Variants in ZNF385B observed in about 807,000 individuals in gnomAD.
ZNF385B encodes the protein zinc finger protein 533.
Under a neutral mutation model 39.2 loss-of-function variants are expected in ZNF385B, and 23 were observed. That is an observed-to-expected ratio of 0.59 (90% CI 0.42 to 0.83). The LOEUF is 0.83. Among genes scored for constraint, ZNF385B ranks in the 40% least tolerant of loss-of-function variants. The pLI is 0.00. For synonymous variants in ZNF385B, 205 were observed against 222.6 expected (o/e 0.92, Z 0.70); for missense variants, 552 against 598.9 (o/e 0.92, Z 0.82).
intron 3 of ZNF385B, among the ~76,000 whole-genome samples, chr2:179,708,807 T>C (rs1052538263): frequency 6.6e-6 from 1 of 152,138 alleles, no homozygotes; most frequent in African/African-American, 2.4e-5. Context: ...TGAGGGGGCA[T>C]GATGGAATCA....
intron 6 of ZNF385B, among the ~76,000 whole-genome samples, chr2:179,467,238 A>G (rs991425142): frequency 2.4e-4 from 37 of 152,102 alleles, no homozygotes; most frequent in African/African-American, 8.9e-4. Flanking sequence ...CCTCATTTAA[A>G]CTTGGTCTAA....
chr2:179,547,131 T>C (rs1166181961), intron 3 of ZNF385B, among the ~76,000 whole-genome samples: 3 of 149,762 alleles, frequency 2.0e-5, no homozygotes, highest in African/African-American at 5.0e-5. Context: ...CCATATCAGA[T>C]GGATAGTTTG....
At chr2:179,689,115 G>T (rs1472333298) in intron 3 of ZNF385B, among the ~76,000 whole-genome samples, 1 of 152,184 alleles carries the variant, frequency 6.6e-6, no homozygotes, top group Non-Finnish European at 1.5e-5. Flanking sequence ...GTTTTAAAAT[G>T]AAATGTAGGA....
At chr2:179,853,570 G>A (rs1684347355) in intron 1 of ZNF385B, among the ~76,000 whole-genome samples, 1 of 152,112 alleles carries the variant, frequency 6.6e-6, no homozygotes, top group Non-Finnish European at 1.5e-5. Context: ...ATATATAATT[G>A]AAAAATACCT....
intron 3 of ZNF385B, among the ~76,000 whole-genome samples, chr2:179,650,585 T>C (rs1358825264): frequency 1.3e-5 from 2 of 152,206 alleles, no homozygotes; most frequent in African/African-American, 4.8e-5. Context: ...GGTTTTATTG[T>C]TGAAAGATGA....
At chr2:179,666,127 G>A (rs1424934509) in intron 3 of ZNF385B, among the ~76,000 whole-genome samples, 2 of 152,096 alleles carry the variant, frequency 1.3e-5, no homozygotes, top group East Asian at 3.8e-4. Flanking sequence ...GGAGATGAAA[G>A]CCCAAAAAGA....
At chr2:179,840,174 C>T (rs1708470202) in intron 1 of ZNF385B, among the ~76,000 whole-genome samples, 1 of 152,222 alleles carries the variant, frequency 6.6e-6, no homozygotes, top group African/African-American at 2.4e-5. Flanking sequence ...AAGGCATTCA[C>T]ACAGGACAGG....
chr2:179,696,115 G>C (rs565755186), intron 3 of ZNF385B, among the ~76,000 whole-genome samples: 208 of 152,266 alleles, frequency 1.4e-3, no homozygotes, highest in South Asian at 3.7e-3. Context: ...GTGTTGTGGG[G>C]AGTGGAGACA....
chr2:179,503,926 G>T, intron 5 of ZNF385B, among the ~76,000 whole-genome samples: 1 of 135,130 alleles, frequency 7.4e-6, no homozygotes, highest in African/African-American at 2.8e-5. Context: ...TGCACATTGT[G>T]CAGGTTAGTT....
rs192113772 is a variant in ZNF385B, at chr2:179,647,439, A to C, written c.299-102470T>G. On this transcript the variant is annotated intron_variant, in intron 3 of 9. Coordinates refer to ENST00000410066, the MANE Select transcript of ZNF385B (RefSeq NM_152520.6). The stretch of plus-strand genomic sequence containing the variant: ...TACCCAACCCCGGCCATATGCCTCT[A>C]TACCATACTGCTGAGTCCTGGTCCT... Among the ~76,000 whole-genome samples, 18 of 152,270 alleles carry C rather than the reference A, an allele frequency of 1.2e-4. 1 individual carries two copies. Among genetic ancestry groups the C allele is most frequent in the Admixed American group, 1.2e-3 (18 of 15,296 alleles).
intron 3 of ZNF385B, among the ~76,000 whole-genome samples, chr2:179,733,146 C>A (rs1477474517): frequency 6.6e-6 from 1 of 152,094 alleles, no homozygotes; most frequent in Non-Finnish European, 1.5e-5. Flanking sequence ...ACCTAGATAC[C>A]AGAAATGATC....
chr2:179,672,868 G>T (rs879403444), intron 3 of ZNF385B, among the ~76,000 whole-genome samples: 1 of 152,128 alleles, frequency 6.6e-6, no homozygotes, highest in Non-Finnish European at 1.5e-5. Context: ...TAGCCAAAAT[G>T]AACTAAGACA....
intron 5 of ZNF385B, among the ~76,000 whole-genome samples, chr2:179,500,611 A>C (rs2056666339): frequency 6.6e-6 from 1 of 152,176 alleles, no homozygotes; most frequent in Non-Finnish European, 1.5e-5. Flanking sequence ...TGGATTAAAG[A>C]CTTAAATCTA....
rs191971209 is a variant in ZNF385B at position 179,803,107 on chromosome 2, A to G, written c.-154-32435T>C. On this transcript the variant is annotated intron_variant, in intron 1 of 9. Transcript: ENST00000410066. ...ATGTTACGATGAAGAAACTGAGGCC[A>G]GAGAGCTTAAGTAACTTGCCCAAAG... Among the ~76,000 whole-genome samples, 859 of 152,292 alleles carry G rather than the reference A, an allele frequency of 5.6e-3. 4 individuals carry two copies. The highest frequency in any genetic ancestry group is 0.022 in the South Asian group (106 of 4,828).
At chr2:179,720,408 G>A (rs1173096017) in intron 3 of ZNF385B, among the ~76,000 whole-genome samples, 1 of 140,886 alleles carries the variant, frequency 7.1e-6, no homozygotes, top group Non-Finnish European at 1.5e-5. Flanking sequence ...GAGAGGGGAG[G>A]GGAGGAGGGG....
intron 5 of ZNF385B, among the ~76,000 whole-genome samples, chr2:179,495,149 G>C (rs2056068315): frequency 6.6e-6 from 1 of 152,102 alleles, no homozygotes; most frequent in Admixed American, 6.5e-5. Flanking sequence ...TTAATGGTGA[G>C]TCCCAGGCCA....
At chr2:179,499,393 C>A (rs1412827080) in intron 5 of ZNF385B, among the ~76,000 whole-genome samples, 1 of 151,918 alleles carries the variant, frequency 6.6e-6, no homozygotes, top group East Asian at 1.9e-4. Flanking sequence ...CAAAAATCCT[C>A]AATAAAATAC....
At chr2:179,622,567 C>T (rs1404106216) in intron 3 of ZNF385B, among the ~76,000 whole-genome samples, 1 of 152,172 alleles carries the variant, frequency 6.6e-6, no homozygotes, top group Admixed American at 6.5e-5. Flanking sequence ...ATAGAAGTTA[C>T]TTAGGTTCCA....
At chr2:179,748,356 A>G (rs7557892) in intron 3 of ZNF385B, among the ~76,000 whole-genome samples, 14,422 of 152,230 alleles carry the variant, frequency 0.095, 758 homozygotes, top group Non-Finnish European at 0.11. Flanking sequence ...GGCACTTGAC[A>G]TAAGTATTTT....
Sources: allele counts gnomAD v4.1 joint callset (sites outside exome capture counted in the v4.1 genomes callset), GRCh38; gene constraint gnomAD v4.1.1; transcripts MANE v1.5; gene names NCBI Gene and HGNC (gene_info 2026-07-23, HGNC 2026-07-21).